STK4: variants seen among roughly 807,000 people sequenced by gnomAD.
STK4 encodes the protein serine/threonine kinase 4, also known as serine/threonine-protein kinase 4.
In STK4, 30 loss-of-function variants were observed where a neutral mutation model predicts 64.9. That is an observed-to-expected ratio of 0.46 (90% CI 0.35 to 0.63). The LOEUF is 0.63. Ranked by LOEUF, STK4 falls within the 20% of genes least tolerant of loss-of-function variation. STK4 has a pLI of 0.01. For missense variants in STK4, 466 were observed against 598.5 expected (o/e 0.78, Z 2.31); for synonymous variants, 177 against 199.0 (o/e 0.89, Z 0.93).
chr20:44,993,641 G>A (rs1312986869), intron 5 of STK4, among the ~76,000 whole-genome samples: 3 of 152,248 alleles, frequency 2.0e-5, no homozygotes, highest in Non-Finnish European at 1.5e-5. Context: ...AGGAATATCA[G>A]TGATGATGAT....
intron 9 of STK4, among the ~76,000 whole-genome samples, chr20:45,004,155 G>C (rs1000714333): frequency 6.6e-6 from 1 of 152,072 alleles, no homozygotes. Flanking sequence ...GAGTGCAGTG[G>C]TGTGATCTTG....
At chr20:44,982,842 A>G (rs1366153548) in intron 4 of STK4, among the ~76,000 whole-genome samples, 1 of 149,038 alleles carries the variant, frequency 6.7e-6, no homozygotes, top group Non-Finnish European at 1.5e-5. Flanking sequence ...GAATAGGGCA[A>G]CAAAAGCAAA....
At chr20:44,968,911 G>A (rs902331316) in intron 1 of STK4, among the ~76,000 whole-genome samples, 31 of 152,132 alleles carry the variant, frequency 2.0e-4, no homozygotes, top group Non-Finnish European at 5.9e-5. Flanking sequence ...GGTGGTTTAA[G>A]CAACGTAAAT....
rs180790869 is a variant in STK4, at chr20:45,072,943, A to G, written c.1306-2075A>G. Among the ~76,000 whole-genome samples the G allele has an allele frequency of 7.7e-4, 117 of 152,338 alleles. 2 individuals are homozygous for G. The highest frequency in any genetic ancestry group is 7.8e-4 in the Admixed American group (12 of 15,300). Reference sequence around the variant, plus strand: ...AGTTCTGAGCTAAGACCATCAGACCATTATCTCATGTAAGTCTTAGTACCG... The same window carrying G: ...AGTTCTGAGCTAAGACCATCAGACCGTTATCTCATGTAAGTCTTAGTACCG... On this transcript the variant is annotated intron_variant, in intron 10 of 10. Coordinates refer to ENST00000372806, the MANE Select transcript of STK4 (RefSeq NM_006282.5).
chr20:44,984,419 G>T (rs2067495818), intron 4 of STK4, among the ~76,000 whole-genome samples: 1 of 152,004 alleles, frequency 6.6e-6, no homozygotes, highest in South Asian at 2.1e-4. Context: ...AGCCAGGATG[G>T]TCTCGATTTC....
At chr20:44,980,601 A>G (rs1018035250) in intron 3 of STK4, among the ~76,000 whole-genome samples, 6 of 152,252 alleles carry the variant, frequency 3.9e-5, no homozygotes, top group Non-Finnish European at 7.3e-5. Context: ...TACAAAGTAC[A>G]TATGACTTCT....
At chr20:45,030,836 A>G (rs531483409) in intron 10 of STK4, among the ~76,000 whole-genome samples, 1 of 152,306 alleles carries the variant, frequency 6.6e-6, no homozygotes, top group African/African-American at 2.4e-5. Context: ...TAAAGCCACA[A>G]ACAGCTGTAA....
At chr20:45,054,559 CTTTTTTT>C (rs776492833) in intron 10 of STK4, among the ~76,000 whole-genome samples, 1 of 71,674 alleles carries the variant, frequency 1.4e-5, no homozygotes, top group Non-Finnish European at 2.7e-5. Flanking sequence ...GACACCCTAT[CTTTTTTT>C]TTTTTTTTTT....
intron 7 of STK4, among the ~76,000 whole-genome samples, chr20:44,999,148 C>G (rs1244287075): frequency 1.3e-5 from 2 of 151,726 alleles, no homozygotes; most frequent in African/African-American, 4.8e-5. Context: ...TGAGTGGACA[C>G]TAGCATGAAA....
chr20:44,996,189 G>A (rs938673037), intron 6 of STK4, among the ~76,000 whole-genome samples: 1 of 152,042 alleles, frequency 6.6e-6, no homozygotes, highest in Admixed American at 6.5e-5. Flanking sequence ...TGGAGGCTGT[G>A]TACTCTCCAA....
intron 9 of STK4, chr20:45,004,465 A>T (rs930590512): frequency 1.3e-5 from 2 of 149,412 alleles, no homozygotes; most frequent in Admixed American, 1.3e-4. Flanking sequence ...AAATAAAAAT[A>T]AAAAAAAAAT....
At chr20:45,061,908 C>T (rs1979057056) in intron 10 of STK4, among the ~76,000 whole-genome samples, 1 of 123,174 alleles carries the variant, frequency 8.1e-6, no homozygotes, top group South Asian at 2.6e-4. Context: ...TGGAGTCTTG[C>T]TCTGTCTGTC....
chr20:44,980,933 G>C (rs942243194), intron 3 of STK4, among the ~76,000 whole-genome samples: 5 of 152,108 alleles, frequency 3.3e-5, no homozygotes, highest in African/African-American at 1.2e-4. Flanking sequence ...CTCCCAAAGT[G>C]CTGGGATTAC....
intron 3 of STK4, 54 bp from the exon 4 acceptor site, chr20:44,981,775 T>C: frequency 9.7e-7 from 1 of 1,031,248 alleles, no homozygotes; most frequent in Non-Finnish European, 1.5e-6. Context: ...CTAGCATGAA[T>C]TAAGAGATAT....
chr20:45,016,982 A>T (rs149858451), intron 9 of STK4, among the ~76,000 whole-genome samples: 203 of 152,344 alleles, frequency 1.3e-3, no homozygotes, highest in African/African-American at 4.5e-3. Context: ...ATGGAGATAC[A>T]TTTTTAAATA....
chr20:45,002,674 C>G (rs1470860400), intron 9 of STK4, among the ~76,000 whole-genome samples: 1 of 152,058 alleles, frequency 6.6e-6, no homozygotes, highest in Non-Finnish European at 1.5e-5. Flanking sequence ...TATAATGACC[C>G]CTATAGACCT....
intron 9 of STK4, among the ~76,000 whole-genome samples, chr20:45,003,507 A>T (rs1601244009): frequency 1.3e-5 from 2 of 152,198 alleles, no homozygotes; most frequent in Non-Finnish European, 2.9e-5. Context: ...TGACTTGCAG[A>T]ACTGAAATTT....
intron 10 of STK4, among the ~76,000 whole-genome samples, chr20:45,068,621 T>C (rs1427285767): frequency 6.6e-6 from 1 of 152,222 alleles, no homozygotes; most frequent in African/African-American, 2.4e-5. Context: ...TTCCACATTT[T>C]TCACAAACAC....
At chr20:44,995,584 A>G (rs1232963803) in intron 6 of STK4, among the ~76,000 whole-genome samples, 1 of 131,168 alleles carries the variant, frequency 7.6e-6, no homozygotes, top group Admixed American at 8.3e-5. Context: ...CTAGCCTGGG[A>G]GAGAGAGTGA....
Sources: gnomAD v4.1 joint callset for allele counts (sites outside exome capture counted in the v4.1 genomes callset) on GRCh38, gnomAD v4.1.1 for gene constraint, MANE v1.5 for transcripts, NCBI Gene and HGNC (gene_info 2026-07-23, HGNC 2026-07-21) for gene names.